The following GRM1 variants were observed in gnomAD, a reference collection of about 807,000 sequenced individuals.
The protein encoded by GRM1 is glutamate metabotropic receptor 1, also known as metabotropic glutamate receptor 1.
In GRM1, 33 loss-of-function variants were observed where a neutral mutation model predicts 90.9. The observed-to-expected ratio is 0.36, with a 90% CI of 0.28 to 0.49. The LOEUF is 0.49. Among genes scored for constraint, GRM1 ranks in the 20% least tolerant of loss-of-function variants. The pLI, the probability that GRM1 is intolerant of heterozygous loss-of-function variation, is 0.99. For synonymous variants in GRM1, 700 were observed against 613.2 expected (o/e 1.14, Z -2.09); for missense variants, 1,190 against 1,534.3 (o/e 0.78, Z 3.75).
At chr6:146,066,409 G>A (rs1775849719) in intron 1 of GRM1, among the ~76,000 whole-genome samples, 1 of 152,104 alleles carries the variant, frequency 6.6e-6, no homozygotes, top group Admixed American at 6.6e-5. Flanking sequence ...TTTTTTTAAT[G>A]GTTGTATAGT....
intron 1 of GRM1, among the ~76,000 whole-genome samples, chr6:146,096,333 C>T (rs1776872675): frequency 6.6e-6 from 1 of 152,096 alleles, no homozygotes; most frequent in South Asian, 2.1e-4. Flanking sequence ...TGGAGATTAG[C>T]TAGTTCAACT....
Position 146,433,988 on chromosome 6 carries a change from A to C in GRM1, c.2777A>C (p.Gln926Pro). 6.2e-7 allele frequency: 1 copy of C among 1,614,116 alleles called. No individual in the cohort carries two copies. The highest frequency in any genetic ancestry group is 8.5e-7 in the Non-Finnish European group (1 of 1,179,968). The change falls in exon 8 of 8, where the codon CAA becomes CCA. Residue 926 changes from glutamine (Q) to proline (P), a missense_variant. Gln to Pro is a moderately conservative substitution (Grantham distance 76). Coordinates refer to ENST00000282753, the MANE Select transcript of GRM1 (RefSeq NM_001278064.2). ...HVKTNETACN[Q>P]TAVIKPLTKS... ...AAGACCAATGAGACGGCCTGCAACC[A>C]AACAGCCGTCATCAAGCCCCTCACT...
At chr6:146,083,128 G>GTTTTTGGGCTGAGA (rs1341806095) in intron 1 of GRM1, among the ~76,000 whole-genome samples, 2 of 152,146 alleles carry the variant, frequency 1.3e-5, no homozygotes, top group African/African-American at 4.8e-5. Context: ...AGCTTAAAGA[G>GTTTTTGGGCTGAGA]TTTTTGGGCT....
At chr6:146,153,620 C>T (rs1199610072) in intron 1 of GRM1, among the ~76,000 whole-genome samples, 3 of 152,140 alleles carry the variant, frequency 2.0e-5, no homozygotes, top group African/African-American at 7.2e-5. Context: ...GAACAGCACA[C>T]ACTAGGGCCT....
At chr6:146,240,878 C>T (rs1780833296) in intron 2 of GRM1, among the ~76,000 whole-genome samples, 1 of 152,092 alleles carries the variant, frequency 6.6e-6, no homozygotes, top group African/African-American at 2.4e-5. Context: ...ACTAACTCTA[C>T]CATGAATAAA....
intron 7 of GRM1, among the ~76,000 whole-genome samples, chr6:146,432,025 C>G (rs1482617277): frequency 6.6e-6 from 1 of 152,176 alleles, no homozygotes; most frequent in Non-Finnish European, 1.5e-5. Context: ...CACCACTGAC[C>G]TGTTCTTTAG....
chr6:146,113,887 C>T (rs1245509036), intron 1 of GRM1, among the ~76,000 whole-genome samples: 4 of 152,210 alleles, frequency 2.6e-5, no homozygotes, highest in Non-Finnish European at 4.4e-5. Context: ...TTTGGGCCAC[C>T]GGTCCTCAAT....
intron 2 of GRM1, among the ~76,000 whole-genome samples, chr6:146,239,773 A>G (rs1780784092): frequency 6.6e-6 from 1 of 152,158 alleles, no homozygotes; most frequent in Non-Finnish European, 1.5e-5. Context: ...TCTCATCAGA[A>G]TCACACCTGG....
chr6:146,383,069 A>G (rs1000712971), intron 5 of GRM1, among the ~76,000 whole-genome samples: 1 of 152,162 alleles, frequency 6.6e-6, no homozygotes. Flanking sequence ...AGAAAGGATA[A>G]ATTTCATCTT....
At chr6:146,377,873 G>A (rs917693559) in intron 5 of GRM1, among the ~76,000 whole-genome samples, 4 of 152,296 alleles carry the variant, frequency 2.6e-5, no homozygotes, top group Non-Finnish European at 5.9e-5. Context: ...CAAGCCCCAA[G>A]CCTTGGTGCC....
chr6:146,160,003 A>G (rs964636549), intron 2 of GRM1: 26 of 167,552 alleles, frequency 1.6e-4, no homozygotes, highest in Admixed American at 4.5e-4. Context: ...GAAAAAAAAA[A>G]AAGATGGAAA....
chr6:146,139,944 G>A (rs1404830285), intron 1 of GRM1, among the ~76,000 whole-genome samples: 4 of 30,880 alleles, frequency 1.3e-4, no homozygotes. Flanking sequence ...CCCTTCCCCT[G>A]CCCTCCCCTC....
rs1160222722 is a variant in GRM1, at chr6:146,386,964, G to A, written c.1677G>A (p.Glu559=). 3.7e-6 allele frequency: 6 copies of A among 1,612,610 alleles called. No individual in the cohort carries two copies. Among genetic ancestry groups the A allele is most frequent in the Non-Finnish European group, 5.1e-6 (6 of 1,178,890 alleles). The part of the protein sequence containing the change: ...ACKENEYVQD[E]FTCKACDLGW... ...AAGAGAATGAATATGTGCAAGATGA[G>A]TTCACCTGCAAAGCTTGTGACTTGG... Residue 559 remains glutamate, a synonymous_variant, in exon 6 of 8, where the codon GAG becomes GAA. Coordinates refer to ENST00000282753, the MANE Select transcript of GRM1 (RefSeq NM_001278064.2).
intron 6 of GRM1, among the ~76,000 whole-genome samples, chr6:146,395,578 C>T (rs1776897837): frequency 6.6e-6 from 1 of 152,080 alleles, no homozygotes; most frequent in Non-Finnish European, 1.5e-5. Flanking sequence ...TTAATTGGTA[C>T]ATACTTGTAG....
chr6:146,122,839 C>CTTTTTTT (rs57859188), intron 1 of GRM1, among the ~76,000 whole-genome samples: 66 of 62,104 alleles, frequency 1.1e-3, no homozygotes, highest in South Asian at 1.8e-3. Flanking sequence ...TCTTTTCTTT[C>CTTTTTTT]TTTTTTTTTT....
intron 2 of GRM1, among the ~76,000 whole-genome samples, chr6:146,241,574 C>G (rs559301743): frequency 2.4e-4 from 36 of 152,254 alleles, no homozygotes; most frequent in African/African-American, 5.5e-4. Flanking sequence ...CTTGGCTCCA[C>G]TCTTCCCTGG....
At chr6:146,177,408 T>C (rs912076016) in intron 2 of GRM1, among the ~76,000 whole-genome samples, 1 of 152,116 alleles carries the variant, frequency 6.6e-6, no homozygotes, top group Admixed American at 6.5e-5. Flanking sequence ...TTCTTTCCTC[T>C]AGGATATTAT....
chr6:146,075,900 T>C (rs1776170251), intron 1 of GRM1, among the ~76,000 whole-genome samples: 1 of 152,200 alleles, frequency 6.6e-6, no homozygotes. Flanking sequence ...GTCATATTGG[T>C]CTACTCTAGT....
intron 7 of GRM1, among the ~76,000 whole-genome samples, chr6:146,412,477 C>G (rs1777607248): frequency 6.6e-6 from 1 of 152,088 alleles, no homozygotes; most frequent in Non-Finnish European, 1.5e-5. Context: ...GTAGAGATGA[C>G]AATACCCACA....
Sources: allele counts gnomAD v4.1 joint callset (sites outside exome capture counted in the v4.1 genomes callset), GRCh38; gene constraint gnomAD v4.1.1; transcripts MANE v1.5; gene names NCBI Gene and HGNC (gene_info 2026-07-23, HGNC 2026-07-21).